C1QTNF7: variants seen among roughly 807,000 people sequenced by gnomAD.
C1QTNF7 encodes the protein C1q and TNF related 7.
C1QTNF7 carries 15 observed loss-of-function variants against 19.6 expected under a neutral mutation model. The observed-to-expected ratio is 0.76, with a 90% CI of 0.51 to 1.18. The LOEUF is 1.18. Among genes scored for constraint, C1QTNF7 ranks in the 50% most tolerant of loss-of-function variants. The pLI is 0.00. For missense variants in C1QTNF7, 324 were observed against 359.7 expected (o/e 0.90, Z 0.80); for synonymous variants, 142 against 137.5 (o/e 1.03, Z -0.23).
At chr4:15,396,621 T>C (rs1340912435) in intron 1 of C1QTNF7, among the ~76,000 whole-genome samples, 3 of 151,888 alleles carry the variant, frequency 2.0e-5, no homozygotes, top group Admixed American at 6.6e-5. Context: ...AGAAAAAGGA[T>C]AATAAAGCTA....
intron 1 of C1QTNF7, among the ~76,000 whole-genome samples, chr4:15,417,955 G>A (rs904048924): frequency 6.6e-6 from 1 of 151,946 alleles, no homozygotes; most frequent in South Asian, 2.1e-4. Context: ...AGCCATTCAT[G>A]AAGGATCCAT....
intron 1 of C1QTNF7, among the ~76,000 whole-genome samples, chr4:15,390,821 T>C (rs1035281095): frequency 2.0e-5 from 3 of 152,150 alleles, no homozygotes; most frequent in African/African-American, 7.2e-5. Flanking sequence ...AATAACGTTC[T>C]AATCTTCCAC....
chr4:15,375,577 C>G (rs115963077), intron 1 of C1QTNF7, among the ~76,000 whole-genome samples: 176 of 152,250 alleles, frequency 1.2e-3, no homozygotes, highest in African/African-American at 4.0e-3. Context: ...ATACAACAAA[C>G]TTGAACGGAA....
At chr4:15,382,497 T>C (rs1323626196) in intron 1 of C1QTNF7, among the ~76,000 whole-genome samples, 1 of 152,204 alleles carries the variant, frequency 6.6e-6, no homozygotes, top group African/African-American at 2.4e-5. Flanking sequence ...CATTTAACCT[T>C]ATTCTCTCTC....
chr4:15,379,788 T>G (rs1371390783), intron 1 of C1QTNF7, among the ~76,000 whole-genome samples: 1 of 152,238 alleles, frequency 6.6e-6, no homozygotes, highest in Non-Finnish European at 1.5e-5. Context: ...ATGTCTGGTA[T>G]GACTTCAGTG....
At chr4:15,424,418 A>G (rs1560366099), upstream of C1QTNF7, among the ~76,000 whole-genome samples, 1 of 152,160 alleles carries the variant, frequency 6.6e-6, no homozygotes, top group Non-Finnish European at 1.5e-5. Flanking sequence ...AATGTCTGCT[A>G]TGCACTCCAG....
At chr4:15,352,688 C>T (rs563108976) in intron 1 of C1QTNF7, among the ~76,000 whole-genome samples, 19 of 152,184 alleles carry the variant, frequency 1.2e-4, no homozygotes, top group Admixed American at 2.0e-4. Flanking sequence ...TGACATGAAT[C>T]AGAGAGTGCA....
intron 1 of C1QTNF7, among the ~76,000 whole-genome samples, chr4:15,341,083 C>T (rs1716520600): frequency 6.6e-6 from 1 of 152,216 alleles, no homozygotes; most frequent in African/African-American, 2.4e-5. Context: ...TAGATTGTCA[C>T]AGAAATCTGC....
At chr4:15,357,626 C>T (rs1226771912) in intron 1 of C1QTNF7, among the ~76,000 whole-genome samples, 3 of 152,118 alleles carry the variant, frequency 2.0e-5, no homozygotes, top group Non-Finnish European at 4.4e-5. Context: ...TGAAGAAAGT[C>T]AGTGGTAGCT....
At position 15,443,072 on chromosome 4, in the gene C1QTNF7, A is replaced by G. The variant is rs554620712; in HGVS notation, c.*273A>G. The G allele has an allele frequency of 5.2e-4, 134 of 255,366 alleles. No individual in the cohort carries two copies. Among genetic ancestry groups the G allele is most frequent in the Non-Finnish European group, 8.0e-4 (108 of 134,884 alleles). 15.8% of individuals were successfully genotyped at this position (255,366 alleles called of 1,614,324 possible). ...TAAAGACAATGTTAACAAATTTTCT[A>G]TTAAATGCCCTGAGTGATAAAACCA... On this transcript the variant is annotated 3_prime_UTR_variant, in exon 3 of 3. Transcript: ENST00000444304.
At chr4:15,365,167 A>G (rs1202008211) in intron 1 of C1QTNF7, among the ~76,000 whole-genome samples, 12 of 152,280 alleles carry the variant, frequency 7.9e-5, no homozygotes, top group Admixed American at 7.2e-4. Context: ...ATGTTCATAC[A>G]TAAAGGTATG....
At chr4:15,381,622 G>C (rs976989440) in intron 1 of C1QTNF7, 1 of 152,052 alleles carries the variant, frequency 6.6e-6, no homozygotes, top group Non-Finnish European at 1.5e-5. Flanking sequence ...TAAAATAAGA[G>C]CAATAGTAGC....
At chr4:15,374,233 A>C (rs1465545986) in intron 1 of C1QTNF7, 1 of 152,144 alleles carries the variant, frequency 6.6e-6, no homozygotes, top group Non-Finnish European at 1.5e-5. Flanking sequence ...GTTTCTTTCT[A>C]CTGTCAACCG....
chr4:15,423,092 C>T (rs1361766853), upstream of C1QTNF7, among the ~76,000 whole-genome samples: 1 of 152,206 alleles, frequency 6.6e-6, no homozygotes, highest in African/African-American at 2.4e-5. Context: ...AACCAGGTAT[C>T]AGTGAAGGCT....
intron 1 of C1QTNF7, among the ~76,000 whole-genome samples, chr4:15,434,357 A>T (rs1712443955): frequency 6.6e-6 from 1 of 152,186 alleles, no homozygotes; most frequent in African/African-American, 2.4e-5. Flanking sequence ...TAATTCCAAG[A>T]TGTTGCAATT....
chr4:15,393,200 C>CCTTTTGCCTT (rs1718647345), intron 1 of C1QTNF7, among the ~76,000 whole-genome samples: 2 of 152,218 alleles, frequency 1.3e-5, no homozygotes, highest in African/African-American at 4.8e-5. Context: ...TTGCCTTCCA[C>CCTTTTGCCTT]CATGATTGTG....
chr4:15,366,002 G>A (rs969804508), intron 1 of C1QTNF7, among the ~76,000 whole-genome samples: 2 of 152,056 alleles, frequency 1.3e-5, no homozygotes, highest in African/African-American at 4.8e-5. Flanking sequence ...AAAGATTACT[G>A]GGGTGCCAAG....
rs1488267247 is a variant in C1QTNF7 at position 15,444,141 on chromosome 4, A to C, written c.*1342A>C. 6.6e-6 allele frequency: 1 copy of C among 152,106 alleles called. No homozygotes were observed. The highest frequency in any genetic ancestry group is 1.5e-5 in the Non-Finnish European group (1 of 68,018). The allele number at this position is 152,106 out of a possible 1,614,324, so 9.4% of individuals were successfully genotyped here. ...TTCCCTTTATCCCTCCCTTTTGGTAACTTCCAATCCTCCTTCTATGTATTC... is the reference window on the plus strand; with the variant it reads ...TTCCCTTTATCCCTCCCTTTTGGTACCTTCCAATCCTCCTTCTATGTATTC... On this transcript the variant is annotated 3_prime_UTR_variant, in exon 3 of 3. Transcript: ENST00000444304.
intron 1 of C1QTNF7, among the ~76,000 whole-genome samples, chr4:15,421,325 C>T (rs372902198): frequency 2.5e-4 from 38 of 152,106 alleles, no homozygotes; most frequent in East Asian, 7.7e-4. Context: ...GAGTGGTTTG[C>T]ATCATTGAGT....
Sources: gnomAD v4.1 joint callset for allele counts (sites outside exome capture counted in the v4.1 genomes callset) on GRCh38, gnomAD v4.1.1 for gene constraint, MANE v1.5 for transcripts, NCBI Gene and HGNC (gene_info 2026-07-23, HGNC 2026-07-21) for gene names.